CSMD1: variants seen among roughly 807,000 people sequenced by gnomAD.
CSMD1 encodes CUB and Sushi multiple domains 1, also known as CUB and sushi domain-containing protein 1.
CSMD1 carries 213 observed loss-of-function variants against 417.5 expected under a neutral mutation model. That is an observed-to-expected ratio of 0.51 (90% CI 0.46 to 0.57). CSMD1 has a LOEUF of 0.57. Ranked by LOEUF, CSMD1 falls within the 20% of genes least tolerant of loss-of-function variation. CSMD1 has a pLI of 0.00. For missense variants in CSMD1, 6,923 were observed against 4,529.7 expected (o/e 1.53, Z -15.17); for synonymous variants, 2,862 against 1,736.8 (o/e 1.65, Z -16.11).
At chr8:4,820,359 A>G (rs551804450) in intron 1 of CSMD1, among the ~76,000 whole-genome samples, 12 of 152,282 alleles carry the variant, frequency 7.9e-5, no homozygotes, top group Non-Finnish European at 1.5e-4. Flanking sequence ...AATGACTCAT[A>G]TGCACTTCTA....
At chr8:3,730,406 C>T (rs1009672785) in intron 6 of CSMD1, among the ~76,000 whole-genome samples, 2 of 140,426 alleles carry the variant, frequency 1.4e-5, no homozygotes, top group Admixed American at 1.5e-4. Context: ...CTGATCACCA[C>T]TGAGCTGGGA....
intron 3 of CSMD1, among the ~76,000 whole-genome samples, chr8:4,038,576 G>A (rs371800603): frequency 1.3e-5 from 2 of 152,106 alleles, no homozygotes; most frequent in East Asian, 1.9e-4. Context: ...GTCTCTTTGT[G>A]ACTCCCAGAA....
chr8:4,005,242 A>C (rs1277885975), intron 4 of CSMD1, among the ~76,000 whole-genome samples: 1 of 151,096 alleles, frequency 6.6e-6, no homozygotes, highest in Non-Finnish European at 1.5e-5. Flanking sequence ...TGAAGAACTT[A>C]CTTATGTAAC....
At chr8:4,990,597 G>A (rs549862046) in intron 1 of CSMD1, among the ~76,000 whole-genome samples, 1 of 152,142 alleles carries the variant, frequency 6.6e-6, no homozygotes, top group Admixed American at 6.5e-5. Context: ...GACCTTTGAT[G>A]ATCCACCCAC....
At chr8:3,716,572 G>T (rs2720796) in intron 6 of CSMD1, among the ~76,000 whole-genome samples, 50,140 of 151,744 alleles carry the variant, frequency 0.33, 8,422 homozygotes, top group East Asian at 0.49. Context: ...TTGGTTTCGG[G>T]AGATTTGCGC....
At chr8:3,657,675 T>C (rs1585029556) in intron 7 of CSMD1, among the ~76,000 whole-genome samples, 1 of 151,978 alleles carries the variant, frequency 6.6e-6, no homozygotes, top group East Asian at 1.9e-4. Context: ...GAAGGGAACA[T>C]CACACACCAG....
rs557251010 is a variant in CSMD1, at chr8:3,105,997, T to C, written c.6949+531A>G. Reference sequence around the variant, plus strand: ...GAGAAACATGATTTCTTATTTGATATGGCCTTGGTTTATTTTCTAGGACTA... The same window carrying C: ...GAGAAACATGATTTCTTATTTGATACGGCCTTGGTTTATTTTCTAGGACTA... On this transcript the variant is annotated intron_variant, in intron 46 of 69. Coordinates refer to ENST00000635120, the MANE Select transcript of CSMD1 (RefSeq NM_033225.6). Among the ~76,000 whole-genome samples the C allele has an allele frequency of 6.6e-5, 10 of 152,354 alleles. No individual in the cohort carries two copies. In the South Asian group the frequency reaches 1.2e-3, roughly 19 times the overall value.
At chr8:3,032,748 T>G (rs539864442) in intron 50 of CSMD1, among the ~76,000 whole-genome samples, 8 of 152,008 alleles carry the variant, frequency 5.3e-5, no homozygotes, top group African/African-American at 1.9e-4. Context: ...CCCTATGTTT[T>G]CTCCTCTTCT....
intron 10 of CSMD1, among the ~76,000 whole-genome samples, chr8:3,524,090 T>A (rs1270952614): frequency 1.5e-5 from 2 of 135,194 alleles, no homozygotes; most frequent in Non-Finnish European, 3.2e-5. Flanking sequence ...CACACACGCA[T>A]GCACACCCAG....
intron 1 of CSMD1, among the ~76,000 whole-genome samples, chr8:4,699,744 G>A (rs1399395002): frequency 6.6e-6 from 1 of 152,170 alleles, no homozygotes; most frequent in African/African-American, 2.4e-5. Flanking sequence ...TGTGATTCAT[G>A]GAAAGCAGTG....
At chr8:4,325,824 T>C (rs1481777306) in intron 3 of CSMD1, among the ~76,000 whole-genome samples, 3 of 152,152 alleles carry the variant, frequency 2.0e-5, no homozygotes, top group Admixed American at 6.5e-5. Flanking sequence ...TGAGAACGAC[T>C]GTAGATTAAC....
chr8:3,955,703 G>A (rs1585029224), intron 5 of CSMD1, among the ~76,000 whole-genome samples: 1 of 151,840 alleles, frequency 6.6e-6, no homozygotes. Flanking sequence ...ATGAATACGT[G>A]GACACAAAGA....
At chr8:4,041,473 G>C (rs1053510268) in intron 3 of CSMD1, among the ~76,000 whole-genome samples, 2 of 152,250 alleles carry the variant, frequency 1.3e-5, no homozygotes, top group African/African-American at 4.8e-5. Context: ...AGTAGTGTAA[G>C]GATCAAACTG....
chr8:3,458,270 C>G (rs7008421), intron 12 of CSMD1, among the ~76,000 whole-genome samples: 2 of 152,064 alleles, frequency 1.3e-5, no homozygotes, highest in African/African-American at 4.8e-5. Context: ...TTAATGTTCT[C>G]CGGCACCACC....
chr8:4,788,003 T>C (rs1479673052), intron 1 of CSMD1: 11 of 1,591,616 alleles, frequency 6.9e-6, no homozygotes, highest in Non-Finnish European at 9.4e-6. Flanking sequence ...AACAGTGTTA[T>C]CGGGATCTCA....
chr8:4,044,954 T>C (rs775958954), intron 3 of CSMD1, among the ~76,000 whole-genome samples: 2 of 152,224 alleles, frequency 1.3e-5, no homozygotes, highest in Non-Finnish European at 2.9e-5. Context: ...TGAGAGTAAT[T>C]ATATTCAACA....
At chr8:4,854,544 C>A (rs1312044719) in intron 1 of CSMD1, among the ~76,000 whole-genome samples, 1 of 152,140 alleles carries the variant, frequency 6.6e-6, no homozygotes, top group Non-Finnish European at 1.5e-5. Flanking sequence ...GGGTGCAGGT[C>A]AGTGGGTGCG....
chr8:4,534,405 T>C (rs1403032595), intron 2 of CSMD1, among the ~76,000 whole-genome samples: 1 of 152,248 alleles, frequency 6.6e-6, no homozygotes, highest in Non-Finnish European at 1.5e-5. Flanking sequence ...TTGTTTTCAC[T>C]CATTCACCTT....
intron 5 of CSMD1, among the ~76,000 whole-genome samples, chr8:3,930,914 A>G (rs1435947553): frequency 6.6e-6 from 1 of 150,634 alleles, no homozygotes; most frequent in Non-Finnish European, 1.5e-5. Flanking sequence ...AAAATAATTT[A>G]CAATGGTTCA....
Sources: gnomAD v4.1 joint callset for allele counts (sites outside exome capture counted in the v4.1 genomes callset) on GRCh38, gnomAD v4.1.1 for gene constraint, MANE v1.5 for transcripts, NCBI Gene and HGNC (gene_info 2026-07-23, HGNC 2026-07-21) for gene names.